Variants in THRB observed in about 807,000 individuals in gnomAD.
THRB encodes the protein nuclear receptor subfamily 1 group A member 2.
THRB carries 12 observed loss-of-function variants against 47.8 expected under a neutral mutation model. That is an observed-to-expected ratio of 0.25 (90% confidence interval 0.16 to 0.41). The LOEUF is 0.41. THRB is among the 10% of genes least tolerant of loss of function. The probability of loss-of-function intolerance (pLI) is 1.00; values close to 1 mark genes in which losing one functional copy is unlikely to be tolerated. For missense variants in THRB, 348 were observed against 589.2 expected (o/e 0.59, Z 4.24); for synonymous variants, 218 against 212.2 (o/e 1.03, Z -0.24).
At chr3:24,334,736 G>C (rs920879161) in intron 2 of THRB, among the ~76,000 whole-genome samples, 2 of 152,136 alleles carry the variant, frequency 1.3e-5, no homozygotes, top group Non-Finnish European at 2.9e-5. Flanking sequence ...ATTTCTTTTG[G>C]GGGAGTGGCT....
intron 1 of THRB, among the ~76,000 whole-genome samples, chr3:24,384,412 A>C (rs751353212): frequency 3.9e-5 from 6 of 152,298 alleles, no homozygotes; most frequent in Non-Finnish European, 8.8e-5. Flanking sequence ...TGAGCCATGA[A>C]GTGTTATAAG....
At chr3:24,465,637 C>T (rs940879183) in intron 1 of THRB, among the ~76,000 whole-genome samples, 1 of 152,138 alleles carries the variant, frequency 6.6e-6, no homozygotes, top group African/African-American at 2.4e-5. Context: ...CCCCTGACCT[C>T]AAGTGATCTG....
intron 2 of THRB, among the ~76,000 whole-genome samples, chr3:24,315,527 C>T (rs1392032266): frequency 6.6e-6 from 1 of 152,196 alleles, no homozygotes; most frequent in Non-Finnish European, 1.5e-5. Context: ...CTCACTACTC[C>T]AGGCTGCTCT....
chr3:24,146,947 T>C lies in THRB; in HGVS notation c.385-125A>G. The stretch of plus-strand genomic sequence containing the variant: ...GGACCTTAACCTGTTTCTAGGCCTC[T>C]AGCTCCACATATTCAAATATAAGAC... On this transcript the variant is annotated intron_variant, in intron 6 of 10. Coordinates refer to ENST00000646209, the MANE Select transcript of THRB (RefSeq NM_001354712.2). 4.0e-6 allele frequency: 3 copies of C among 754,526 alleles called. No individual in the cohort carries two copies. The South Asian group carries it at 4.8e-5, about 12-fold the overall frequency. 46.7% of individuals were successfully genotyped at this position (754,526 alleles called of 1,614,324 possible). A position where few individuals can be genotyped will look rare whatever the true frequency, so the allele number is the denominator to read the frequency against.
chr3:24,491,286 C>T (rs1480228032), intron 1 of THRB, among the ~76,000 whole-genome samples: 1 of 152,178 alleles, frequency 6.6e-6, no homozygotes, highest in East Asian at 1.9e-4. Flanking sequence ...TATGCATTTA[C>T]TCAGCACACT....
At chr3:24,384,859 C>A (rs931851449) in intron 1 of THRB, among the ~76,000 whole-genome samples, 5 of 152,074 alleles carry the variant, frequency 3.3e-5, no homozygotes, top group African/African-American at 1.2e-4. Context: ...TGTGAAGAGG[C>A]ATAAAGGAGG....
intron 1 of THRB, among the ~76,000 whole-genome samples, chr3:24,490,039 T>C (rs1007019629): frequency 4.6e-5 from 7 of 152,156 alleles, no homozygotes; most frequent in African/African-American, 1.4e-4. Context: ...AAAATAACTA[T>C]TTTTAGGGGC....
At chr3:24,310,140 C>G (rs1262974233) in intron 2 of THRB, among the ~76,000 whole-genome samples, 2 of 152,158 alleles carry the variant, frequency 1.3e-5, no homozygotes, top group Non-Finnish European at 2.9e-5. Context: ...TTTAAAATCT[C>G]TCTTTGTCAA....
At chr3:24,281,446 A>G (rs962638578) in intron 3 of THRB, among the ~76,000 whole-genome samples, 3 of 152,274 alleles carry the variant, frequency 2.0e-5, no homozygotes, top group African/African-American at 7.2e-5. Flanking sequence ...AGTGCTAAAC[A>G]TGGAAAGGAA....
intron 3 of THRB, among the ~76,000 whole-genome samples, chr3:24,288,732 A>G (rs933052066): frequency 4.6e-5 from 7 of 152,224 alleles, no homozygotes; most frequent in Admixed American, 3.3e-4. Flanking sequence ...GTCCCAACAC[A>G]TAAGTGGGTT....
At chr3:24,353,630 A>G (rs1475547681) in intron 1 of THRB, among the ~76,000 whole-genome samples, 1 of 151,306 alleles carries the variant, frequency 6.6e-6, no homozygotes, top group Non-Finnish European at 1.5e-5. Flanking sequence ...GGAAGGAAAA[A>G]GGCAGGTTAA....
intron 3 of THRB, among the ~76,000 whole-genome samples, chr3:24,242,539 T>C (rs2049647563): frequency 6.6e-6 from 1 of 152,160 alleles, no homozygotes; most frequent in Non-Finnish European, 1.5e-5. Flanking sequence ...TTTGAAATAT[T>C]AGACGGTGCT....
chr3:24,462,187 C>G (rs2125663822), intron 1 of THRB, among the ~76,000 whole-genome samples: 1 of 152,152 alleles, frequency 6.6e-6, no homozygotes, highest in African/African-American at 2.4e-5. Flanking sequence ...TTTTCAGCAG[C>G]ATGTTATCCC....
At chr3:24,354,373 ATAAAAGT>A (rs2063540684) in intron 1 of THRB, among the ~76,000 whole-genome samples, 1 of 152,216 alleles carries the variant, frequency 6.6e-6, no homozygotes, top group African/African-American at 2.4e-5. Context: ...TGAACTTAAG[ATAAAAGT>A]TAAAAAAAAG....
At chr3:24,349,236 GGC>G (rs2063212032) in intron 1 of THRB, among the ~76,000 whole-genome samples, 1 of 151,964 alleles carries the variant, frequency 6.6e-6, no homozygotes, top group South Asian at 2.1e-4. Context: ...TCATAGATTG[GGC>G]GCCTCAATAT....
chr3:24,240,026 A>T (rs2150232402), intron 3 of THRB, among the ~76,000 whole-genome samples: 1 of 152,228 alleles, frequency 6.6e-6, no homozygotes, highest in South Asian at 2.1e-4. Context: ...AAAACATCCC[A>T]CTGTATTTCT....
intron 5 of THRB, among the ~76,000 whole-genome samples, chr3:24,170,640 A>C (rs1170111150): frequency 1.3e-5 from 2 of 152,134 alleles, no homozygotes; most frequent in African/African-American, 4.8e-5. Flanking sequence ...AGGACGCTGC[A>C]CATGTTCTTC....
intron 1 of THRB, among the ~76,000 whole-genome samples, chr3:24,403,703 T>G (rs1431325298): frequency 6.6e-6 from 1 of 151,962 alleles, no homozygotes; most frequent in African/African-American, 2.4e-5. Context: ...GTAAAAATTA[T>G]TTTAATTAAA....
chr3:24,348,087 A>G (rs2063135483), intron 1 of THRB, among the ~76,000 whole-genome samples: 1 of 152,166 alleles, frequency 6.6e-6, no homozygotes, highest in Non-Finnish European at 1.5e-5. Context: ...AAAAGTAAAC[A>G]AAGTGTTAGC....
Sources: gnomAD v4.1 joint callset for allele counts (sites outside exome capture counted in the v4.1 genomes callset) on GRCh38, gnomAD v4.1.1 for gene constraint, MANE v1.5 for transcripts, NCBI Gene and HGNC (gene_info 2026-07-23, HGNC 2026-07-21) for gene names.